Variants in GABPB1 observed in about 807,000 individuals in gnomAD.
GABPB1 encodes GA-binding protein subunit beta-1.
Under a neutral mutation model 45.9 loss-of-function variants are expected in GABPB1, and 15 were observed. The observed-to-expected ratio is 0.33, with a 90% CI of 0.22 to 0.50. The LOEUF (loss-of-function observed/expected upper bound fraction) is 0.50, where lower values mean the gene tolerates loss of function less well. Among genes scored for constraint, GABPB1 ranks in the 20% least tolerant of loss-of-function variants. GABPB1 has a pLI of 0.98. For synonymous variants in GABPB1, 143 were observed against 154.4 expected (o/e 0.93, Z 0.55); for missense variants, 252 against 457.5 (o/e 0.55, Z 4.10).
intron 1 of GABPB1, among the ~76,000 whole-genome samples, chr15:50,317,759 AT>A (rs1314168603): frequency 1.3e-5 from 2 of 152,180 alleles, no homozygotes; most frequent in African/African-American, 4.8e-5. Flanking sequence ...AATACAAAAA[AT>A]TAGCTGAGCG....
intron 1 of GABPB1, among the ~76,000 whole-genome samples, chr15:50,319,338 T>C (rs2047470590): frequency 6.6e-6 from 1 of 152,166 alleles, no homozygotes; most frequent in African/African-American, 2.4e-5. Context: ...CACGTATATA[T>C]TGCATCGTGG....
Position 50,287,526 on chromosome 15 carries a change from A to C in GABPB1, c.884-1343T>G, listed in dbSNP as rs1478849774. On this transcript the variant is annotated intron_variant, in intron 7 of 8. Transcript: ENST00000380877. ...TTACAGGAAGAGGAGATTAGGACACAGATAACACAAATACTGAGGTAGACC... is the reference window on the plus strand; with the variant it reads ...TTACAGGAAGAGGAGATTAGGACACCGATAACACAAATACTGAGGTAGACC... Among the ~76,000 whole-genome samples the C allele has an allele frequency of 2.0e-5, 3 of 152,210 alleles. No homozygotes were observed. In the East Asian group the frequency reaches 5.8e-4, roughly 29 times the overall value.
At chr15:50,327,050 GTT>G (rs2047794525) in intron 1 of GABPB1, 1 of 152,058 alleles carries the variant, frequency 6.6e-6, no homozygotes, top group East Asian at 1.9e-4. Flanking sequence ...ACTACCAGTT[GTT>G]TTTAAATCAC....
rs188877131 is a variant in GABPB1 at position 50,335,239 on chromosome 15, G to T, written c.-1+19746C>A. 1.7e-3 allele frequency among the ~76,000 whole-genome samples: 263 copies of T among 152,252 alleles called. 2 individuals carry two copies. Among genetic ancestry groups the T allele is most frequent in the African/African-American group, 6.0e-3 (248 of 41,542 alleles). On this transcript the variant is annotated intron_variant, in intron 1 of 8. Coordinates refer to ENST00000380877, the MANE Select transcript of GABPB1 (RefSeq NM_016654.5). The stretch of plus-strand genomic sequence containing the variant: ...AAATTCCTTGATATTTGATTGGGAG[G>T]TAGGTGATGAAAAGCGGTTAGTTCT...
At chr15:50,344,413 T>C (rs1046399239) in intron 1 of GABPB1, among the ~76,000 whole-genome samples, 3 of 152,204 alleles carry the variant, frequency 2.0e-5, no homozygotes, top group African/African-American at 7.2e-5. Flanking sequence ...CTCAGGCTTA[T>C]ATGTTTAGCA....
At chr15:50,345,939 C>T (rs2048559878) in intron 1 of GABPB1, among the ~76,000 whole-genome samples, 1 of 152,068 alleles carries the variant, frequency 6.6e-6, no homozygotes, top group Non-Finnish European at 1.5e-5. Flanking sequence ...TCTCGATCTC[C>T]TGACCTCGTG....
chr15:50,280,266 A>G (rs993755740), intron 8 of GABPB1, among the ~76,000 whole-genome samples: 4 of 152,176 alleles, frequency 2.6e-5, no homozygotes, highest in African/African-American at 9.7e-5. Flanking sequence ...TCCAGCCAAG[A>G]TAGGAACAAG....
At chr15:50,282,197 C>A in intron 8 of GABPB1, 2 of 428,438 alleles carry the variant, frequency 4.7e-6, no homozygotes, top group South Asian at 3.3e-5. Flanking sequence ...GAGACCCTGT[C>A]TCAAAAAATA....
intron 1 of GABPB1, among the ~76,000 whole-genome samples, chr15:50,316,258 C>CA (rs2047323897): frequency 6.6e-6 from 1 of 152,086 alleles, no homozygotes; most frequent in Admixed American, 6.6e-5. Context: ...CTAGTGGTAA[C>CA]AGGAATTACT....
At chr15:50,309,827 C>A in intron 1 of GABPB1, 29 bp from the exon 2 acceptor site, 1 of 1,294,332 alleles carries the variant, frequency 7.7e-7, no homozygotes, top group Non-Finnish European at 1.1e-6. Context: ...AACTGAACAT[C>A]AAAATCTCCA....
intron 2 of GABPB1, among the ~76,000 whole-genome samples, chr15:50,307,830 T>C (rs2046999496): frequency 6.6e-6 from 1 of 152,200 alleles, no homozygotes; most frequent in Admixed American, 6.5e-5. Context: ...TGGGCTGCCA[T>C]CTTTCATCAG....
Position 50,286,099 on chromosome 15 carries a change from A to G in GABPB1, c.968T>C (p.Ile323Thr). Residue 323 changes from isoleucine (I) to threonine (T), a missense_variant, in exon 8 of 9, where the codon ATT becomes ACT. Coordinates refer to ENST00000380877, the MANE Select transcript of GABPB1 (RefSeq NM_016654.5). ...TTCTGCAGATTCCACCCGGTTTTCA[A>G]TTATTTCGATACATTGTCTCTTAGC... ...PPAKRQCIEI[I>T]ENRVESAEIE... is the part of the protein sequence containing the mutation. 1 of 1,612,618 alleles carries G rather than the reference A, an allele frequency of 6.2e-7. No homozygotes were observed. Among genetic ancestry groups the G allele is most frequent in the Non-Finnish European group, 8.5e-7 (1 of 1,179,278 alleles).
intron 1 of GABPB1, among the ~76,000 whole-genome samples, chr15:50,340,751 G>C (rs1048385777): frequency 1.9e-5 from 2 of 106,868 alleles, no homozygotes; most frequent in African/African-American, 6.3e-5. Flanking sequence ...TCAAATGTTT[G>C]TTGGCCACTA....
chr15:50,341,582 T>C (rs1881974677), intron 1 of GABPB1, among the ~76,000 whole-genome samples: 1 of 152,102 alleles, frequency 6.6e-6, no homozygotes, highest in Non-Finnish European at 1.5e-5. Flanking sequence ...ACCATTCTAC[T>C]TAATAAACAT....
intron 1 of GABPB1, among the ~76,000 whole-genome samples, chr15:50,317,958 A>T (rs547680856): frequency 1.1e-4 from 16 of 152,314 alleles, no homozygotes; most frequent in African/African-American, 3.6e-4. Context: ...TAGTAAAAGT[A>T]TGTAAAATAT....
At chr15:50,354,435 C>A in intron 1 of GABPB1, 1 of 449,462 alleles carries the variant, frequency 2.2e-6, no homozygotes, top group Non-Finnish European at 4.5e-6. Context: ...CTCGGCCCCG[C>A]AGCACAGGGC....
intron 6 of GABPB1, among the ~76,000 whole-genome samples, chr15:50,298,877 G>A (rs2046618653): frequency 6.6e-6 from 1 of 151,536 alleles, no homozygotes; most frequent in Non-Finnish European, 1.5e-5. Flanking sequence ...GCTTGAACCT[G>A]GGAGATGGAG....
Position 50,353,564 on chromosome 15 carries a change from AT to A in GABPB1, c.-1+1420del, listed in dbSNP as rs1207549140. 9 of 149,352 alleles carry A rather than the reference AT, an allele frequency of 6.0e-5. No homozygotes were observed. In the South Asian group the frequency reaches 6.2e-4, roughly 10 times the overall value. 9.3% of individuals were successfully genotyped at this position (149,352 alleles called of 1,614,324 possible). ...ATCTATGTTAACATGTAATGGATTT[AT>A]TTTTTGTTTTTGGAAAAAAAAAACC... On this transcript the variant is annotated intron_variant, in intron 1 of 8. Coordinates refer to ENST00000380877, the MANE Select transcript of GABPB1 (RefSeq NM_016654.5).
intron 2 of GABPB1, among the ~76,000 whole-genome samples, chr15:50,307,934 C>T (rs890526370): frequency 1.3e-5 from 2 of 152,122 alleles, no homozygotes; most frequent in African/African-American, 4.8e-5. Context: ...GACTTTCTCA[C>T]ATGATCCTTC....
Sources: gnomAD v4.1 joint callset for allele counts (sites outside exome capture counted in the v4.1 genomes callset) on GRCh38, gnomAD v4.1.1 for gene constraint, MANE v1.5 for transcripts, NCBI Gene and HGNC (gene_info 2026-07-23, HGNC 2026-07-21) for gene names.